The following EHMT1 variants were observed in gnomAD, a reference collection of about 807,000 sequenced individuals.
EHMT1 encodes histone-lysine N-methyltransferase EHMT1.
Under a neutral mutation model 147.2 loss-of-function variants are expected in EHMT1, and 15 were observed. The observed-to-expected ratio is 0.10, with a 90% confidence interval of 0.07 to 0.16. The LOEUF (loss-of-function observed/expected upper bound fraction) is 0.16, where lower values mean the gene tolerates loss of function less well. Among genes scored for constraint, EHMT1 ranks in the 10% least tolerant of loss-of-function variants. EHMT1 has a pLI of 1.00. For synonymous variants in EHMT1, 795 were observed against 709.6 expected (o/e 1.12, Z -1.91); for missense variants, 1,587 against 1,772.4 (o/e 0.90, Z 1.88).
intron 14 of EHMT1, among the ~76,000 whole-genome samples, chr9:137,780,305 T>A (rs1951308112): frequency 8.3e-6 from 1 of 120,536 alleles, no homozygotes; most frequent in South Asian, 3.2e-4. Flanking sequence ...GACGCTGAGA[T>A]GTGTGGTGAT....
chr9:137,740,306 C>T (rs945215074), intron 4 of EHMT1, among the ~76,000 whole-genome samples: 3 of 152,182 alleles, frequency 2.0e-5, no homozygotes, highest in Non-Finnish European at 4.4e-5. Flanking sequence ...GCTCGGGGTC[C>T]TGAAGCCCCC....
At chr9:137,719,608 G>C (rs1564634979) in intron 3 of EHMT1, among the ~76,000 whole-genome samples, 1 of 152,150 alleles carries the variant, frequency 6.6e-6, no homozygotes, top group East Asian at 1.9e-4. Context: ...AGTGTCACAG[G>C]AAACTGCAAA....
chr9:137,782,466 T>C lies in EHMT1; in HGVS notation c.2382+69T>C. 1 of 1,418,838 alleles carries C rather than the reference T, an allele frequency of 7.0e-7. No individual in the cohort carries two copies. The allele number at this position is 1,418,838 out of a possible 1,614,324, so 87.9% of individuals were successfully genotyped here. ...TTTTATTTTTACCAAAGTAAAATCA[T>C]ACCACGTTCGCGGTTCTTCCAGTGT... On this transcript the variant is annotated intron_variant, in intron 15 of 26. Coordinates refer to ENST00000460843, the MANE Select transcript of EHMT1 (RefSeq NM_024757.5). This position sits in a 1 kb window ranked among gnomAD's most constrained non-coding sequence, Gnocchi z 5.7.
At chr9:137,789,330 C>T (rs1455924288) in intron 15 of EHMT1, 1 of 152,472 alleles carries the variant, frequency 6.6e-6, no homozygotes, top group African/African-American at 2.4e-5. Context: ...TCGGTGCCAC[C>T]CTCTCCATTG....
At chr9:137,788,365 C>T in intron 15 of EHMT1, 1 of 334,590 alleles carries the variant, frequency 3.0e-6, no homozygotes, top group Non-Finnish European at 5.4e-6. Flanking sequence ...GCACCGCCTT[C>T]TGCCAGCGCC....
chr9:137,806,103 G>T (rs1953926397), intron 18 of EHMT1, among the ~76,000 whole-genome samples: 2 of 151,974 alleles, frequency 1.3e-5, no homozygotes, highest in Non-Finnish European at 2.9e-5. Flanking sequence ...GGGATTACAG[G>T]CACATGGCAC....
intron 1 of EHMT1, among the ~76,000 whole-genome samples, chr9:137,670,241 A>T (rs1940415138): frequency 6.6e-6 from 1 of 151,868 alleles, no homozygotes; most frequent in Non-Finnish European, 1.5e-5. Flanking sequence ...TCCTCCAAAG[A>T]TTTGTGTTTT....
In EHMT1 at chr9:137,787,505, C is replaced by T. The variant is rs575968340; in HGVS notation, c.2383-3343C>T. Reference sequence around the variant, plus strand: ...GCCAGGGCCGTGCCCAGCTCGGCCACGGCCACACGTGGGGTAGTTAGTAAA... The same window carrying T: ...GCCAGGGCCGTGCCCAGCTCGGCCATGGCCACACGTGGGGTAGTTAGTAAA... On this transcript the variant is annotated intron_variant, in intron 15 of 26. Coordinates refer to ENST00000460843, the MANE Select transcript of EHMT1 (RefSeq NM_024757.5). This position sits in a 1 kb window ranked among gnomAD's most constrained non-coding sequence, Gnocchi z 4.2. 1.3e-5 allele frequency among the ~76,000 whole-genome samples: 2 copies of T among 152,300 alleles called. No individual in the cohort carries two copies. The highest frequency in any genetic ancestry group is 2.4e-5 in the African/African-American group (1 of 41,560).
intron 1 of EHMT1, among the ~76,000 whole-genome samples, chr9:137,639,266 A>G (rs1589077506): frequency 6.6e-6 from 1 of 152,216 alleles, no homozygotes; most frequent in South Asian, 2.1e-4. Flanking sequence ...GTCCTGGGGA[A>G]TGTTTCATCA....
At chr9:137,719,776 T>C (rs1312933559) in intron 3 of EHMT1, among the ~76,000 whole-genome samples, 1 of 152,116 alleles carries the variant, frequency 6.6e-6, no homozygotes, top group Non-Finnish European at 1.5e-5. Flanking sequence ...CTGTGCAGTT[T>C]ACCGTGTGTG....
At chr9:137,792,314 A>G (rs950687232) in intron 16 of EHMT1, 2 of 311,726 alleles carry the variant, frequency 6.4e-6, no homozygotes, top group Non-Finnish European at 1.3e-5. Flanking sequence ...TTCAATGGGG[A>G]AAAGACTGTC....
intron 25 of EHMT1, 177 bp from the exon 26 acceptor site, chr9:137,834,172 G>GGA (rs1206464839): frequency 1.3e-6 from 1 of 797,172 alleles, no homozygotes; most frequent in Non-Finnish European, 2.0e-6. Context: ...CACACAGCGA[G>GGA]GAGAAGGCTG....
At chr9:137,728,633 T>C in intron 4 of EHMT1, 104 bp downstream of exon 4, 4 of 1,504,542 alleles carry the variant, frequency 2.7e-6, no homozygotes, top group Non-Finnish European at 3.7e-6. Flanking sequence ...GTGCTGCTCT[T>C]GATGAATGAC....
At chr9:137,643,488 A>G (rs1471825755) in intron 1 of EHMT1, among the ~76,000 whole-genome samples, 1 of 151,732 alleles carries the variant, frequency 6.6e-6, no homozygotes, top group Non-Finnish European at 1.5e-5. Context: ...CTACAGGACT[A>G]CAGGCACCTG....
chr9:137,635,693 G>T (rs533656753), intron 1 of EHMT1, among the ~76,000 whole-genome samples: 2 of 150,858 alleles, frequency 1.3e-5, no homozygotes, highest in Non-Finnish European at 3.0e-5. Context: ...GGTGGCGGGC[G>T]CCTGTAGTTC....
At chr9:137,665,078 A>G (rs1475565402) in intron 1 of EHMT1, 1 of 152,226 alleles carries the variant, frequency 6.6e-6, no homozygotes, top group Non-Finnish European at 1.5e-5. Context: ...TAGCATTTAT[A>G]GAGAAGGATT....
At chr9:137,778,396 C>G (rs1951121164) in intron 13 of EHMT1, among the ~76,000 whole-genome samples, 1 of 152,244 alleles carries the variant, frequency 6.6e-6, no homozygotes, top group South Asian at 2.1e-4. Context: ...CCTCCCAGGC[C>G]ACACCCCATC....
rs1406143737 is a variant in EHMT1, at chr9:137,802,783, C to T, written c.2712+1799C>T. The T allele has an allele frequency of 3.3e-6, 4 of 1,228,764 alleles. No homozygotes were observed. The East Asian group carries it at 9.5e-5, about 29-fold the overall frequency. 76.1% of individuals were successfully genotyped at this position (1,228,764 alleles called of 1,614,324 possible). A position where few individuals can be genotyped will look rare whatever the true frequency, so the allele number is the denominator to read the frequency against. ...TGAGCTGCAGTGCCTCCTCCGTGGG[C>T]TGCAGGGCTTCCATGACTGTATCCA... On this transcript the variant is annotated intron_variant, in intron 18 of 26. Transcript: ENST00000460843.
intron 18 of EHMT1, among the ~76,000 whole-genome samples, chr9:137,801,442 C>T (rs1380084216): frequency 1.3e-5 from 2 of 152,196 alleles, no homozygotes; most frequent in Non-Finnish European, 2.9e-5. Flanking sequence ...ATGCCTCCGC[C>T]TCCCCAGTAG....
Sources: gnomAD v4.1 joint callset for allele counts (sites outside exome capture counted in the v4.1 genomes callset) on GRCh38, gnomAD v4.1.1 for gene constraint, Gnocchi (gnomAD v3.1) non-coding constraint, MANE v1.5 for transcripts, NCBI Gene and HGNC (gene_info 2026-07-23, HGNC 2026-07-21) for gene names.